The following TASP1 variants were observed in gnomAD, a reference collection of about 807,000 sequenced individuals.
TASP1 encodes threonine aspartase 1.
TASP1 carries 16 observed loss-of-function variants against 56.6 expected under a neutral mutation model. The ratio of observed to expected loss-of-function variants is 0.28; its 90% CI spans 0.19 to 0.43. The LOEUF is 0.43. TASP1 is among the 20% of genes least tolerant of loss of function. The pLI, the probability that TASP1 is intolerant of heterozygous loss-of-function variation, is 1.00. For missense variants in TASP1, 393 were observed against 511.6 expected, an observed-to-expected ratio of 0.77 and a Z score of 2.24; for synonymous variants, 179 against 184.2, an observed-to-expected ratio of 0.97 and a Z score of 0.23.
At chr20:13,159,785 A>G in the TASP1 span, among the ~76,000 whole-genome samples, 7 of 152,166 alleles carry the variant, frequency 4.6e-5, no homozygotes, top group Non-Finnish European at 1.5e-5. Flanking sequence ...AATACCACAC[A>G]CACACCATCA....
chr20:13,518,102 C>G (rs1432074867), intron 10 of TASP1, among the ~76,000 whole-genome samples: 3 of 152,056 alleles, frequency 2.0e-5, no homozygotes, highest in Non-Finnish European at 2.9e-5. Flanking sequence ...ATTCCTAACC[C>G]CACATATTAT....
rs142809306 is a variant in TASP1 at position 13,523,005 on chromosome 20, G to T, written c.874+5428C>A. Among the ~76,000 whole-genome samples the T allele has an allele frequency of 3.3e-3, 495 of 152,288 alleles. 2 individuals are homozygous for T. Among genetic ancestry groups the T allele is most frequent in the East Asian group, 0.012 (60 of 5,178 alleles). On this transcript the variant is annotated intron_variant, in intron 10 of 13. Coordinates refer to ENST00000337743, the MANE Select transcript of TASP1 (RefSeq NM_017714.3). Reference sequence around the variant, plus strand: ...TTATAGGACTAAAGGATAATCACATGACTTTAGAGGTAATTGTTAATCTTG... The same window carrying T: ...TTATAGGACTAAAGGATAATCACATTACTTTAGAGGTAATTGTTAATCTTG...
chr20:13,141,988 A>G, the TASP1 span, among the ~76,000 whole-genome samples: 1 of 152,216 alleles, frequency 6.6e-6, no homozygotes, highest in South Asian at 2.1e-4. Context: ...TTGTCCAATA[A>G]ATGCAAAATT....
chr20:13,130,565 C>A, the TASP1 span, among the ~76,000 whole-genome samples: 1 of 152,356 alleles, frequency 6.6e-6, no homozygotes, highest in East Asian at 1.9e-4. Context: ...AGTGAAATGA[C>A]AATGTTTATG....
chr20:13,421,295 G>A (rs781418155), intron 12 of TASP1, among the ~76,000 whole-genome samples: 7 of 151,810 alleles, frequency 4.6e-5, no homozygotes, highest in East Asian at 1.9e-4. Context: ...GGCTGGTTTC[G>A]AACTCTTGAC....
the TASP1 span, among the ~76,000 whole-genome samples, chr20:13,320,560 TAGGATA>T: frequency 6.6e-6 from 1 of 152,180 alleles, no homozygotes; most frequent in Non-Finnish European, 1.5e-5. Flanking sequence ...CTATGTCAAT[TAGGATA>T]AGGCTTGACA....
At chr20:13,522,569 C>T (rs975863546) in intron 10 of TASP1, among the ~76,000 whole-genome samples, 1 of 152,058 alleles carries the variant, frequency 6.6e-6, no homozygotes, top group Non-Finnish European at 1.5e-5. Flanking sequence ...TTCAAGAGAA[C>T]ACGTTTAGGG....
At chr20:13,429,916 G>A (rs1001271466) in intron 12 of TASP1, among the ~76,000 whole-genome samples, 1 of 151,890 alleles carries the variant, frequency 6.6e-6, no homozygotes, top group Non-Finnish European at 1.5e-5. Flanking sequence ...CCCCTGGTTT[G>A]GGACCCATGG....
intron 8 of TASP1, among the ~76,000 whole-genome samples, chr20:13,555,383 A>AAC (rs949554959): frequency 7.1e-3 from 7 of 980 alleles, no homozygotes; most frequent in Non-Finnish European, 0.015. Context: ...GACTCCCTCT[A>AAC]AAAAAAAAAA....
the TASP1 span, among the ~76,000 whole-genome samples, chr20:13,280,762 A>G: frequency 6.6e-6 from 1 of 152,174 alleles, no homozygotes; most frequent in African/African-American, 2.4e-5. Context: ...ACATGGCCCC[A>G]CCTTGGTGCA....
chr20:13,123,042 A>G, the TASP1 span, among the ~76,000 whole-genome samples: 1 of 152,152 alleles, frequency 6.6e-6, no homozygotes, highest in Non-Finnish European at 1.5e-5. Context: ...ATTGATTAAC[A>G]ATACTCGGCC....
chr20:13,488,888 A>C lies in TASP1; in HGVS notation c.875-5551T>G, dbSNP rs146490066. ...CACTCAGGTCCTCACCTCTATTCTT[A>C]ACTAACTAAAATTCCATGCTTCATC... On this transcript the variant is annotated intron_variant, in intron 10 of 13. Coordinates refer to ENST00000337743, the MANE Select transcript of TASP1 (RefSeq NM_017714.3). Among the ~76,000 whole-genome samples, 39 of 152,040 alleles carry C rather than the reference A, an allele frequency of 2.6e-4. No homozygotes were observed. In the East Asian group the frequency reaches 6.4e-3, roughly 25 times the overall value.
chr20:13,526,176 C>T (rs1317128715), intron 10 of TASP1, among the ~76,000 whole-genome samples: 1 of 152,110 alleles, frequency 6.6e-6, no homozygotes, highest in Non-Finnish European at 1.5e-5. Flanking sequence ...ACAATCTCCT[C>T]GGACTTGGAA....
At chr20:13,604,968 T>C (rs923142791) in intron 4 of TASP1, among the ~76,000 whole-genome samples, 3 of 144,690 alleles carry the variant, frequency 2.1e-5, no homozygotes, top group African/African-American at 7.7e-5. Context: ...TCACATAAAG[T>C]CTACATAAAG....
chr20:13,108,284 C>T, the TASP1 span, among the ~76,000 whole-genome samples: 1 of 152,206 alleles, frequency 6.6e-6, no homozygotes, highest in Non-Finnish European at 1.5e-5. Flanking sequence ...CAAATATATT[C>T]ACAACTCTAT....
intron 1 of TASP1, among the ~76,000 whole-genome samples, chr20:13,634,099 T>G (rs1462297543): frequency 6.6e-6 from 1 of 152,154 alleles, no homozygotes; most frequent in Non-Finnish European, 1.5e-5. Context: ...TACATGGATA[T>G]TCATAGCAAT....
At chr20:13,397,342 A>G (rs1378279840) in intron 13 of TASP1, among the ~76,000 whole-genome samples, 2 of 152,188 alleles carry the variant, frequency 1.3e-5, no homozygotes, top group Non-Finnish European at 2.9e-5. Context: ...TTTAGTTTCC[A>G]TAGCACTTTT....
chr20:13,247,528 G>GTGTCTGTC, the TASP1 span, among the ~76,000 whole-genome samples: 1 of 150,548 alleles, frequency 6.6e-6, no homozygotes, highest in African/African-American at 2.4e-5. Context: ...GTGTGTGTGT[G>GTGTCTGTC]TGTGTGTGTG....
chr20:13,242,854 T>C, the TASP1 span, among the ~76,000 whole-genome samples: 1 of 152,238 alleles, frequency 6.6e-6, no homozygotes, highest in South Asian at 2.1e-4. Context: ...AGATTTCACC[T>C]GATTTTATCT....
Sources: gnomAD v4.1 joint callset for allele counts (sites outside exome capture counted in the v4.1 genomes callset) on GRCh38, gnomAD v4.1.1 for gene constraint, MANE v1.5 for transcripts, NCBI Gene and HGNC (gene_info 2026-07-23, HGNC 2026-07-21) for gene names.